ABCC12: variants seen among roughly 807,000 people sequenced by gnomAD.
The protein encoded by ABCC12 is ATP-binding cassette sub-family C member 12.
In ABCC12, 142 loss-of-function variants were observed where a neutral mutation model predicts 151.1. The ratio of observed to expected loss-of-function variants is 0.94; its 90% CI spans 0.82 to 1.08. ABCC12 has a LOEUF of 1.08. Among genes scored for constraint, ABCC12 ranks in the 50% least tolerant of loss-of-function variants. The pLI is 0.00. For missense variants in ABCC12, 1,638 were observed against 1,691.1 expected, an observed-to-expected ratio of 0.97 and a Z score of 0.55; for synonymous variants, 645 against 646.4, an observed-to-expected ratio of 1.00 and a Z score of 0.03.
At chr16:48,092,100 G>A (rs114493756) in intron 24 of ABCC12, among the ~76,000 whole-genome samples, 229 of 152,330 alleles carry the variant, frequency 1.5e-3, no homozygotes, top group African/African-American at 5.1e-3. Flanking sequence ...AGATTCTCCC[G>A]AGCCTCCGGA....
chr16:48,111,565 A>C lies in ABCC12; in HGVS notation c.2209+13T>G. On this transcript the variant is annotated intron_variant, in intron 17 of 30. Transcript: ENST00000311303. ...ATTCAAGCCAAGGACAATAACAGGG[A>C]TGGGATTCTAACCGATTATACCAGC... is the stretch of plus-strand genomic sequence containing the variant. The C allele has an allele frequency of 6.2e-7, 1 of 1,614,212 alleles. No homozygotes were observed. The highest frequency in any genetic ancestry group is 8.5e-7 in the Non-Finnish European group (1 of 1,180,030).
intron 18 of ABCC12, among the ~76,000 whole-genome samples, chr16:48,109,522 T>TA (rs1462048788): frequency 1.3e-5 from 2 of 151,962 alleles, no homozygotes; most frequent in Non-Finnish European, 2.9e-5. Flanking sequence ...CAGAGATAAA[T>TA]AGAGTTAGAA....
intron 9 of ABCC12, 42 bp downstream of exon 9, chr16:48,133,645 G>T: frequency 6.2e-7 from 1 of 1,604,908 alleles, no homozygotes; most frequent in East Asian, 2.2e-5. Context: ...GACTTGCCGG[G>T]GTCAGGTTGT....
rs189097902 is a variant in ABCC12 at position 48,109,535 on chromosome 16, G to A, written c.2282-1006C>T. On this transcript the variant is annotated intron_variant, in intron 18 of 30. Coordinates refer to ENST00000311303, the MANE Select transcript of ABCC12 (RefSeq NM_001393797.1). The stretch of plus-strand genomic sequence containing the variant: ...AACAGAGATAAATAGAGTTAGAAGA[G>A]GGGGCACCCCACATACAGACTGTGC... Among the ~76,000 whole-genome samples, 125 of 152,062 alleles carry A rather than the reference G, an allele frequency of 8.2e-4. 1 individual carries two copies. Among genetic ancestry groups the A allele is most frequent in the African/African-American group, 2.9e-3 (119 of 41,316 alleles).
rs1474215809 is a variant in ABCC12 at position 48,133,725 on chromosome 16, A to G, written c.1090T>C (p.Cys364Arg). 6.2e-7 allele frequency: 1 copy of G among 1,614,128 alleles called. No homozygotes were observed. Among genetic ancestry groups the G allele is most frequent in the East Asian group, 2.2e-5 (1 of 44,866 alleles). Reference protein sequence around the residue: ...STIAIVLTLSCHILLRRKLTA... With the variant: ...STIAIVLTLSRHILLRRKLTA... ...AGTTTGCGTCTCAGGAGGATGTGGCAGGATAATGTCAGCACGATGGCTATG... is the reference window on the plus strand; with the variant it reads ...AGTTTGCGTCTCAGGAGGATGTGGCGGGATAATGTCAGCACGATGGCTATG... Residue 364 changes from cysteine to arginine, a missense_variant, in exon 9 of 31, where the codon TGC becomes CGC. Coordinates refer to ENST00000311303, the MANE Select transcript of ABCC12 (RefSeq NM_001393797.1).
At chr16:48,098,485 T>C (rs1963188071) in intron 23 of ABCC12, among the ~76,000 whole-genome samples, 1 of 152,226 alleles carries the variant, frequency 6.6e-6, no homozygotes. Flanking sequence ...TGGGCTCTGC[T>C]GCCCTCTCCT....
rs377494472 is a variant in ABCC12, at chr16:48,143,967, G to A, written c.218C>T (p.Thr73Ile). The A allele has an allele frequency of 6.3e-5, 101 of 1,614,066 alleles. No individual in the cohort carries two copies. The highest frequency in any genetic ancestry group is 7.8e-5 in the Non-Finnish European group (92 of 1,180,052). The change falls in exon 4 of 31, where the codon ACC becomes ATC. Residue 73 changes from threonine to isoleucine, a missense_variant. By Grantham distance (89) the Thr-to-Ile change is moderately conservative. Coordinates refer to ENST00000311303, the MANE Select transcript of ABCC12 (RefSeq NM_001393797.1). Reference sequence around the variant, plus strand: ...CGACAATGGGGGCAGGGTGTCTACGGTCAGCCTTTGCCGGTAGCCTTTCAC... The same window carrying A: ...CGACAATGGGGGCAGGGTGTCTACGATCAGCCTTTGCCGGTAGCCTTTCAC... ...VMVKGYRQRLTVDTLPPLSTY... is the reference protein window; with the variant it reads ...VMVKGYRQRLIVDTLPPLSTY...
At position 48,082,944 on chromosome 16, in the gene ABCC12, G is replaced by A. The variant is rs779407710; in HGVS notation, c.*771C>T. The stretch of plus-strand genomic sequence containing the variant: ...AAAGCTTTTTGTTTGGTAAGCGACT[G>A]TGAAGGTTCATTACTGAGTGAAGGG... On this transcript the variant is annotated 3_prime_UTR_variant, in exon 31 of 31. Transcript: ENST00000311303. 1 of 152,218 alleles carries A rather than the reference G, an allele frequency of 6.6e-6. No homozygotes were observed. The highest frequency in any genetic ancestry group is 1.5e-5 in the Non-Finnish European group (1 of 68,054). 9.4% of individuals were successfully genotyped at this position (152,218 alleles called of 1,614,324 possible). A position where few individuals can be genotyped will look rare whatever the true frequency, so the allele number is the denominator to read the frequency against.
chr16:48,141,876 GC>G (rs1486692603), intron 4 of ABCC12, among the ~76,000 whole-genome samples: 10 of 152,190 alleles, frequency 6.6e-5, no homozygotes, highest in South Asian at 4.1e-4. Context: ...TGCAAAGGAA[GC>G]CATTACAGTT....
rs543387318 is a variant in ABCC12 at position 48,115,752 on chromosome 16, G to A, written c.1786-134C>T. The A allele has an allele frequency of 4.0e-5, 37 of 920,834 alleles. No individual in the cohort carries two copies. The East Asian group carries it at 4.6e-4, about 11-fold the overall frequency. 57.0% of individuals were successfully genotyped at this position (920,834 alleles called of 1,614,324 possible). On this transcript the variant is annotated intron_variant, in intron 14 of 30. Coordinates refer to ENST00000311303, the MANE Select transcript of ABCC12 (RefSeq NM_001393797.1). ...ATCCTCGCCATATCCAAGTTCCTCC[G>A]CCCCTTACAGGGCCCCCGGTCACAC... is the stretch of plus-strand genomic sequence containing the variant.
Position 48,088,087 on chromosome 16 carries a change from T to C in ABCC12, c.3476-2A>G, listed in dbSNP as rs990938152. Reference sequence around the variant, plus strand: ...AAGCCATTCCTAACGATGACTTTCCTGGGAACCATAAAAGTAAGAACAACA... The same window carrying C: ...AAGCCATTCCTAACGATGACTTTCCCGGGAACCATAAAAGTAAGAACAACA... On this transcript the variant is annotated splice_acceptor_variant, in intron 26 of 30. Transcript: ENST00000311303. LOFTEE classifies it high-confidence loss of function. 1 of 1,613,144 alleles carries C rather than the reference T, an allele frequency of 6.2e-7. No individual in the cohort carries two copies. The highest frequency in any genetic ancestry group is 1.3e-5 in the African/African-American group (1 of 74,884).
rs16945787 is a variant in ABCC12 at position 48,087,989 on chromosome 16, T to G, written c.3572A>C (p.Glu1191Ala). ...CACAGTCAGCTTGGTTCTGAGGTCT[T>G]CCAAGCTGAGAATGCAGATATCCAC... ...DEVDICILSL[E>A]DLRTKLTVIP... The change falls in exon 27 of 31, where the codon GAA becomes GCA. Residue 1191 changes from glutamate to alanine, a missense_variant. By Grantham distance (107) the Glu-to-Ala change is moderately radical. Transcript: ENST00000311303. 3.3e-3 allele frequency: 5,297 copies of G among 1,614,216 alleles called. 142 individuals are homozygous for G. In the African/African-American group the frequency reaches 0.059, roughly 18 times the overall value.
In ABCC12 at chr16:48,108,459, C is replaced by T. The variant is rs146016887; in HGVS notation, c.2352G>A (p.Thr784=). 1.2e-4 allele frequency: 186 copies of T among 1,614,034 alleles called. No individual in the cohort carries two copies. The African/African-American group carries it at 1.8e-3, about 16-fold the overall frequency. Residue 784 remains threonine (T), a synonymous_variant, in exon 19 of 31, where the codon ACG becomes ACA. Coordinates refer to ENST00000311303, the MANE Select transcript of ABCC12 (RefSeq NM_001393797.1). The stretch of plus-strand genomic sequence containing the variant: ...CTGAACCTCCAGAAGCCTTAATGTA[C>T]GTGTGATATGTTTTCCAGGTCACGG... ...EGTVTWKTYH[T]YIKASGGYLL... is the part of the protein sequence containing the mutation.
intron 28 of ABCC12, 30 bp from the exon 29 acceptor site, chr16:48,085,736 G>T (rs765672973): frequency 3.2e-6 from 5 of 1,548,416 alleles, no homozygotes; most frequent in Non-Finnish European, 3.6e-6. Context: ...CCACATTTGT[G>T]CTGATGATCT....
intron 4 of ABCC12, among the ~76,000 whole-genome samples, chr16:48,143,410 A>G (rs192407378): frequency 1.3e-5 from 2 of 152,328 alleles, no homozygotes; most frequent in South Asian, 2.1e-4. Context: ...GAGAATGGTT[A>G]CCAACACCCA....
At chr16:48,114,307 AG>A (rs1257568968) in intron 15 of ABCC12, among the ~76,000 whole-genome samples, 1 of 152,186 alleles carries the variant, frequency 6.6e-6, no homozygotes, top group Non-Finnish European at 1.5e-5. Flanking sequence ...AGGGTCTTCG[AG>A]GAACACCCTC....
chr16:48,124,246 T>C lies in ABCC12; in HGVS notation c.1554A>G (p.Gly518=), dbSNP rs1964166132. 6.2e-7 allele frequency: 1 copy of C among 1,614,104 alleles called. No homozygotes were observed. The highest frequency in any genetic ancestry group is 8.5e-7 in the Non-Finnish European group (1 of 1,180,044). Residue 518 remains glycine, a synonymous_variant, in exon 12 of 31, where the codon GGA becomes GGG. Transcript: ENST00000311303. ...ILGICGNVGS[G]KSSLLAALLG... ...GGAGAGCTGCAAGGAGGGAGCTCTTTCCACTTCCCACATTCCCACATATTC... is the reference window on the plus strand; with the variant it reads ...GGAGAGCTGCAAGGAGGGAGCTCTTCCCACTTCCCACATTCCCACATATTC...
At chr16:48,105,448 G>A (rs1483074690) in intron 20 of ABCC12, 112 bp from the exon 21 acceptor site, 3 of 1,070,752 alleles carry the variant, frequency 2.8e-6, no homozygotes, top group Non-Finnish European at 4.1e-6. Flanking sequence ...GCACATGAGT[G>A]TTTTGAATGA....
chr16:48,151,602 C>T (rs1596634037), intron 2 of ABCC12, among the ~76,000 whole-genome samples: 1 of 152,266 alleles, frequency 6.6e-6, no homozygotes, highest in East Asian at 1.9e-4. Context: ...ATATGGGGTA[C>T]TGGAGAACTC....
Sources: allele counts gnomAD v4.1 joint callset (sites outside exome capture counted in the v4.1 genomes callset), GRCh38; gene constraint gnomAD v4.1.1; transcripts MANE v1.5; gene names NCBI Gene and HGNC (gene_info 2026-07-23, HGNC 2026-07-21).